The following AKAP10 variants were observed in gnomAD, a reference collection of about 807,000 sequenced individuals.
AKAP10 encodes A-kinase anchoring protein 10.
A neutral mutation model predicts 80.8 loss-of-function variants in AKAP10; 24 were observed. That is an observed-to-expected ratio of 0.30 (90% CI 0.22 to 0.42). The LOEUF is 0.42. AKAP10 is among the 10% of genes least tolerant of loss of function. The pLI, the probability that AKAP10 is intolerant of heterozygous loss-of-function variation, is 1.00. For missense variants in AKAP10, 661 were observed against 794.9 expected, an observed-to-expected ratio of 0.83 and a Z score of 2.03; for synonymous variants, 291 against 277.7, an observed-to-expected ratio of 1.05 and a Z score of -0.48.
intron 11 of AKAP10, among the ~76,000 whole-genome samples, chr17:19,920,574 G>A (rs1003445527): frequency 6.6e-6 from 1 of 152,126 alleles, no homozygotes; most frequent in African/African-American, 2.4e-5. Context: ...TAGGCACTGT[G>A]GCTCATGCCT....
At chr17:19,939,619 GACA>G in intron 8 of AKAP10, 91 bp downstream of exon 8, 1 of 1,436,394 alleles carries the variant, frequency 7.0e-7, no homozygotes, top group Non-Finnish European at 9.4e-7. Context: ...TGAGCTCCTT[GACA>G]ACAGAGACTG....
intron 10 of AKAP10, among the ~76,000 whole-genome samples, chr17:19,928,477 G>A (rs2042897647): frequency 6.6e-6 from 1 of 152,186 alleles, no homozygotes; most frequent in South Asian, 2.1e-4. Context: ...TGGTGGGATT[G>A]CAAAATGGTG....
chr17:19,936,725 C>CT (rs1406718282), intron 8 of AKAP10, among the ~76,000 whole-genome samples: 2 of 152,174 alleles, frequency 1.3e-5, no homozygotes. Context: ...GGCAAAGAAA[C>CT]TAACAATCAC....
In AKAP10 at chr17:19,906,155, T is replaced by C; in HGVS notation, c.*72A>G. The stretch of plus-strand genomic sequence containing the variant: ...ATAGTGCTGTTTTCATTGGCTGTGT[T>C]GAAGAATCCAACCAAGGGAAAAAAG... On this transcript the variant is annotated 3_prime_UTR_variant, in exon 15 of 15. Transcript: ENST00000225737. 2 of 1,509,998 alleles carry C rather than the reference T, an allele frequency of 1.3e-6. No individual in the cohort carries two copies. Among genetic ancestry groups the C allele is most frequent in the Non-Finnish European group, 1.8e-6 (2 of 1,089,936 alleles). The allele number at this position is 1,509,998 out of a possible 1,614,324, so 93.5% of individuals were successfully genotyped here. A position where few individuals can be genotyped will look rare whatever the true frequency, so the allele number is the denominator to read the frequency against.
intron 14 of AKAP10, among the ~76,000 whole-genome samples, chr17:19,907,014 G>GT (rs35907139): frequency 0.28 from 41,023 of 149,170 alleles, 5,965 homozygotes; most frequent in African/African-American, 0.36. Flanking sequence ...CGAGTCTACT[G>GT]TTTTTTTTTG....
At chr17:19,950,947 T>G (rs1325523330) in intron 4 of AKAP10, among the ~76,000 whole-genome samples, 1 of 149,222 alleles carries the variant, frequency 6.7e-6, no homozygotes, top group African/African-American at 2.5e-5. Context: ...GAGGAGCGCC[T>G]CTGCCCGGCC....
intron 10 of AKAP10, among the ~76,000 whole-genome samples, chr17:19,926,975 T>C (rs78091249): frequency 6.6e-6 from 1 of 151,974 alleles, no homozygotes; most frequent in African/African-American, 2.4e-5. Flanking sequence ...GCAAAAAAAT[T>C]AGCCAGGCAT....
intron 5 of AKAP10, chr17:19,947,139 C>G (rs1214585729): frequency 2.4e-6 from 1 of 415,172 alleles, no homozygotes; most frequent in Non-Finnish European, 4.4e-6. Flanking sequence ...CGTAGCCGCC[C>G]GCCGGCCCGG....
intron 5 of AKAP10, 59 bp downstream of exon 5, chr17:19,947,348 T>G: frequency 1.5e-6 from 2 of 1,298,838 alleles, no homozygotes; most frequent in East Asian, 2.3e-5. Context: ...TAACGAAAAT[T>G]GTCAGTTCTG....
Position 19,940,899 on chromosome 17 carries a change from A to G in AKAP10, c.1173T>C (p.Phe391=). 1 of 1,602,058 alleles carries G rather than the reference A, an allele frequency of 6.2e-7. No individual in the cohort carries two copies. Among genetic ancestry groups the G allele is most frequent in the Non-Finnish European group, 8.5e-7 (1 of 1,176,750 alleles). ...ATGCAGACTTTACCTCAGAGAAATA[A>G]AAGAGGGCTGACTCACAGAAGAGAA... ...ADILFCESAL[F]YFSEYMEKED... Residue 391 remains phenylalanine (F), a synonymous_variant, in exon 7 of 15, where the codon TTT becomes TTC. Coordinates refer to ENST00000225737, the MANE Select transcript of AKAP10 (RefSeq NM_007202.4).
At chr17:19,939,644 C>T in intron 8 of AKAP10, 69 bp downstream of exon 8, 3 of 1,546,170 alleles carry the variant, frequency 1.9e-6, no homozygotes, top group Non-Finnish European at 8.8e-7. Flanking sequence ...GTTTATTCAT[C>T]TTTATTTCCA....
At position 19,924,448 on chromosome 17, in the gene AKAP10, T is replaced by C. The variant is rs1275175036; in HGVS notation, c.1711A>G (p.Ser571Gly). 7 of 1,607,864 alleles carry C rather than the reference T, an allele frequency of 4.4e-6. No individual in the cohort carries two copies. Among genetic ancestry groups the C allele is most frequent in the Non-Finnish European group, 5.1e-6 (6 of 1,176,484 alleles). The change falls in exon 11 of 15, where the codon AGT (serine) becomes GGT (glycine). Residue 571 changes from serine to glycine, a missense_variant. Physicochemically the swap from Ser to Gly is moderately conservative, Grantham distance 56. Transcript: ENST00000225737. ...FDEAIIVDAA[S>G]LDPESLYQRT... is the part of the protein sequence containing the mutation. ...TGATATAAAGATTCTGGATCCAGAC[T>C]TGCCGCATCCACAATTATCGCTTCA...
chr17:19,956,891 C>T (rs1373434314), intron 4 of AKAP10, among the ~76,000 whole-genome samples: 1 of 151,830 alleles, frequency 6.6e-6, no homozygotes, highest in African/African-American at 2.4e-5. Context: ...GTAATCCCAG[C>T]TCCTCGGGAG....
At chr17:19,910,325 C>CAAAAAAAAAAAAAAAA (rs3031068) in intron 12 of AKAP10, among the ~76,000 whole-genome samples, 27 of 90,650 alleles carry the variant, frequency 3.0e-4, no homozygotes, top group African/African-American at 7.1e-4. Flanking sequence ...GACTCCAACT[C>CAAAAAAAAAAAAAAAA]AAAAAAAAAA....
intron 12 of AKAP10, among the ~76,000 whole-genome samples, chr17:19,918,715 A>G (rs921673013): frequency 6.6e-6 from 1 of 152,186 alleles, no homozygotes; most frequent in South Asian, 2.1e-4. Context: ...CAATTCAACC[A>G]AACTAAAAAC....
At chr17:19,933,773 T>C (rs1414305997) in intron 9 of AKAP10, among the ~76,000 whole-genome samples, 1 of 152,166 alleles carries the variant, frequency 6.6e-6, no homozygotes. Context: ...TATTATATAA[T>C]AGCGTTTAAT....
chr17:19,908,633 G>A (rs2042657219), intron 14 of AKAP10, among the ~76,000 whole-genome samples: 1 of 152,018 alleles, frequency 6.6e-6, no homozygotes, highest in Non-Finnish European at 1.5e-5. Flanking sequence ...CTCAAATTGA[G>A]CTCTCTGAAC....
chr17:19,931,311 G>A (rs1186624170), intron 10 of AKAP10, among the ~76,000 whole-genome samples: 6 of 151,354 alleles, frequency 4.0e-5, no homozygotes, highest in African/African-American at 1.5e-4. Flanking sequence ...GAAACAGCAT[G>A]ATACTTTACA....
Position 19,941,812 on chromosome 17 carries a change from A to G in AKAP10, c.1061+14T>C, listed in dbSNP as rs1482970355. On this transcript the variant is annotated intron_variant, in intron 6 of 14. Transcript: ENST00000225737. ...TCCCTAGGATGCACAATGTGAAAATATGAACTAACTTACTCTTGCTCCATT... is the reference window on the plus strand; with the variant it reads ...TCCCTAGGATGCACAATGTGAAAATGTGAACTAACTTACTCTTGCTCCATT... 6.5e-7 allele frequency: 1 copy of G among 1,534,678 alleles called. No homozygotes were observed. Among genetic ancestry groups the G allele is most frequent in the Admixed American group, 1.9e-5 (1 of 52,268 alleles).
Sources: gnomAD v4.1 joint callset for allele counts (sites outside exome capture counted in the v4.1 genomes callset) on GRCh38, gnomAD v4.1.1 for gene constraint, MANE v1.5 for transcripts, NCBI Gene and HGNC (gene_info 2026-07-23, HGNC 2026-07-21) for gene names.